Variants in TTLL11 observed in about 807,000 individuals in gnomAD.
TTLL11 encodes the protein tubulin polyglutamylase TTLL11.
Under a neutral mutation model 51.7 loss-of-function variants are expected in TTLL11, and 42 were observed. That is an observed-to-expected ratio of 0.81 (90% CI 0.64 to 1.05). The LOEUF (loss-of-function observed/expected upper bound fraction) is 1.05. TTLL11 is among the 50% of genes least tolerant of loss of function. The probability of loss-of-function intolerance (pLI) is 0.00; values close to 1 mark genes in which losing one functional copy is unlikely to be tolerated. For missense variants in TTLL11, 799 were observed against 940.4 expected (o/e 0.85, Z 1.97); for synonymous variants, 381 against 383.5 (o/e 0.99, Z 0.08).
chr9:121,984,684 G>A (rs1842904285), intron 4 of TTLL11, among the ~76,000 whole-genome samples: 1 of 152,164 alleles, frequency 6.6e-6, no homozygotes, highest in Non-Finnish European at 1.5e-5. Context: ...AAACATCTTA[G>A]GATTTAGGAA....
At chr9:121,833,561 G>A (rs1564264012) in intron 8 of TTLL11, among the ~76,000 whole-genome samples, 1 of 152,124 alleles carries the variant, frequency 6.6e-6, no homozygotes, top group Non-Finnish European at 1.5e-5. Context: ...CAGGGTAATG[G>A]TGGGAAGAGG....
chr9:122,071,597 C>T (rs1038873237), intron 1 of TTLL11, among the ~76,000 whole-genome samples: 3 of 152,126 alleles, frequency 2.0e-5, no homozygotes, highest in South Asian at 2.1e-4. Flanking sequence ...GCACTGCTGC[C>T]GCCCCCCAGC....
At chr9:122,067,829 A>G (rs1257161998) in intron 1 of TTLL11, among the ~76,000 whole-genome samples, 2 of 152,210 alleles carry the variant, frequency 1.3e-5, no homozygotes, top group African/African-American at 4.8e-5. Context: ...AATGTAAACA[A>G]TGTACTTAAT....
rs116562380 is a variant in TTLL11, at chr9:121,824,951, C to T, written c.1841-2072G>A. 9.3e-3 allele frequency among the ~76,000 whole-genome samples: 1,413 copies of T among 152,298 alleles called. 27 individuals carry two copies. The highest frequency in any genetic ancestry group is 0.033 in the African/African-American group (1,354 of 41,548). ...GGGCAAAGAAGTTGTGTTTTGCCTC[C>T]CTTATAGTCCATCAGAGCTCTTGGC... On this transcript the variant is annotated intron_variant, in intron 8 of 8. Transcript: ENST00000321582.
At chr9:122,017,588 G>A (rs943404974) in intron 3 of TTLL11, among the ~76,000 whole-genome samples, 22 of 149,890 alleles carry the variant, frequency 1.5e-4, no homozygotes, top group African/African-American at 4.7e-4. Flanking sequence ...TCAGCCTCCC[G>A]AGTAGCTGGG....
chr9:121,931,307 CAGTT>C (rs1483005191), intron 6 of TTLL11, among the ~76,000 whole-genome samples: 2 of 152,226 alleles, frequency 1.3e-5, no homozygotes, highest in Non-Finnish European at 2.9e-5. Context: ...AGACCTCTCT[CAGTT>C]AGAAGATGGA....
chr9:121,943,365 T>A (rs1475847865), intron 6 of TTLL11, among the ~76,000 whole-genome samples: 2 of 152,068 alleles, frequency 1.3e-5, no homozygotes, highest in Non-Finnish European at 1.5e-5. Flanking sequence ...AAGATAAAGG[T>A]TTGTTGCATC....
chr9:122,071,344 C>A (rs1006090928), intron 1 of TTLL11, among the ~76,000 whole-genome samples: 1 of 152,142 alleles, frequency 6.6e-6, no homozygotes, highest in African/African-American at 2.4e-5. Context: ...AATGAGAATG[C>A]GAGCCGCACA....
At chr9:121,843,369 T>G (rs10217544) in intron 8 of TTLL11, among the ~76,000 whole-genome samples, 8,984 of 152,162 alleles carry the variant, frequency 0.059, 736 homozygotes, top group African/African-American at 0.19. Flanking sequence ...AGCAGAAGCT[T>G]CTGGAGCCAG....
intron 6 of TTLL11, among the ~76,000 whole-genome samples, chr9:121,887,397 A>G (rs1839049840): frequency 6.6e-6 from 1 of 152,182 alleles, no homozygotes. Flanking sequence ...CAAGGGAGTC[A>G]GGTCCCCAGG....
chr9:122,080,674 C>T (rs1345722940), intron 1 of TTLL11, among the ~76,000 whole-genome samples: 2 of 151,726 alleles, frequency 1.3e-5, no homozygotes. Context: ...GCCTGGGCGA[C>T]AGAGTGAAAC....
chr9:121,897,641 C>CACACACACACACAT (rs1564294374), intron 6 of TTLL11, among the ~76,000 whole-genome samples: 1 of 53,598 alleles, frequency 1.9e-5, no homozygotes, highest in African/African-American at 5.5e-5. Flanking sequence ...CACACACACA[C>CACACACACACACAT]GCGCGCGCGA....
intron 6 of TTLL11, among the ~76,000 whole-genome samples, chr9:121,931,937 C>T (rs1210900426): frequency 6.6e-6 from 1 of 152,192 alleles, no homozygotes; most frequent in Non-Finnish European, 1.5e-5. Context: ...CAGTGCTTAG[C>T]GTTGGACCTC....
intron 8 of TTLL11, among the ~76,000 whole-genome samples, chr9:121,836,726 C>T (rs148817791): frequency 5.3e-4 from 80 of 152,220 alleles, no homozygotes; most frequent in Non-Finnish European, 9.7e-4. Flanking sequence ...GTAGGATGAC[C>T]CAACGTGAGA....
At position 121,853,526 on chromosome 9, in the gene TTLL11, T is replaced by G. The variant is rs1017710166; in HGVS notation, c.1840+6811A>C. 5.3e-5 allele frequency among the ~76,000 whole-genome samples: 8 copies of G among 151,298 alleles called. No individual in the cohort carries two copies. The East Asian group carries it at 1.4e-3, about 26-fold the overall frequency. ...GAGTGAGTGTGAGGCTAGTGATGAGTGGGGATGCAGAGTGGACAGGGGTCC... is the reference window on the plus strand; with the variant it reads ...GAGTGAGTGTGAGGCTAGTGATGAGGGGGGATGCAGAGTGGACAGGGGTCC... On this transcript the variant is annotated intron_variant, in intron 8 of 8. Transcript: ENST00000321582. The surrounding 1 kb of genome is among the most constrained non-coding windows in gnomAD (Gnocchi z 5.6).
chr9:122,058,175 AG>A (rs1471120194), intron 1 of TTLL11, among the ~76,000 whole-genome samples: 1 of 152,258 alleles, frequency 6.6e-6, no homozygotes, highest in Non-Finnish European at 1.5e-5. Context: ...GCATGATCAT[AG>A]GTTTCCTCGA....
intron 1 of TTLL11, among the ~76,000 whole-genome samples, chr9:122,087,409 T>C (rs1846153172): frequency 1.3e-5 from 2 of 152,140 alleles, no homozygotes; most frequent in South Asian, 4.1e-4. Context: ...GTAACTAATA[T>C]TATACAAGTT....
In TTLL11 at chr9:122,093,152, G is replaced by A. The variant is rs1019534193; in HGVS notation, c.-4C>T. 38 of 1,494,166 alleles carry A rather than the reference G, an allele frequency of 2.5e-5. No homozygotes were observed. Among genetic ancestry groups the A allele is most frequent in the Non-Finnish European group, 3.2e-5 (36 of 1,128,150 alleles). 92.6% of individuals were successfully genotyped at this position (1,494,166 alleles called of 1,614,324 possible). ...TCTCGGAGCTGCCCCGCCGCATGGT[G>A]CTCAGGGCCGGGGCCAGTGCCAGTG... On this transcript the variant is annotated 5_prime_UTR_variant, in exon 1 of 9. Coordinates refer to ENST00000321582, the MANE Select transcript of TTLL11 (RefSeq NM_001139442.2).
chr9:121,901,470 C>T (rs911152242), intron 6 of TTLL11, among the ~76,000 whole-genome samples: 2 of 152,114 alleles, frequency 1.3e-5, no homozygotes, highest in African/African-American at 4.8e-5. Context: ...GGAACACCAA[C>T]AACTTAGAAC....
Sources: gnomAD v4.1 joint callset for allele counts (sites outside exome capture counted in the v4.1 genomes callset) on GRCh38, gnomAD v4.1.1 for gene constraint, Gnocchi (gnomAD v3.1) non-coding constraint, MANE v1.5 for transcripts, NCBI Gene and HGNC (gene_info 2026-07-23, HGNC 2026-07-21) for gene names.